Variants in PRPH observed in about 807,000 individuals in gnomAD.
PRPH encodes peripherin.
PRPH carries 48 observed loss-of-function variants against 52.6 expected under a neutral mutation model. The ratio of observed to expected loss-of-function variants is 0.91; its 90% CI spans 0.72 to 1.16. The LOEUF is 1.16. Ranked by LOEUF, PRPH falls within the 50% of genes most tolerant of loss-of-function variation. The pLI is 0.00. For missense variants in PRPH, 579 were observed against 635.7 expected (o/e 0.91, Z 0.96); for synonymous variants, 279 against 283.8 (o/e 0.98, Z 0.17).
chr12:49,296,142 C>G lies in PRPH; in HGVS notation c.546-36C>G, dbSNP rs776889934. On this transcript the variant is annotated intron_variant, in intron 1 of 8. Coordinates refer to ENST00000257860, the MANE Select transcript of PRPH (RefSeq NM_006262.4). The surrounding 1 kb of genome is among the most constrained non-coding windows in gnomAD (Gnocchi z 5.1). ...GTCTGGGGTGCGAGCTGGGCGGCGACCCCGCAGTTCAGCCTCTGCACGCTC... is the reference window on the plus strand; with the variant it reads ...GTCTGGGGTGCGAGCTGGGCGGCGAGCCCGCAGTTCAGCCTCTGCACGCTC... 1 of 1,604,468 alleles carries G rather than the reference C, an allele frequency of 6.2e-7. No homozygotes were observed. Among genetic ancestry groups the G allele is most frequent in the South Asian group, 1.1e-5 (1 of 89,894 alleles).
In PRPH at chr12:49,297,310, G is replaced by A. The variant is rs200519578; in HGVS notation, c.996+37G>A. 1.9e-6 allele frequency: 3 copies of A among 1,613,698 alleles called. No individual in the cohort carries two copies. The highest frequency in any genetic ancestry group is 2.7e-5 in the African/African-American group (2 of 74,908). ...GCTGCGCGCTCGGGCCCGGGGAGCG[G>A]ACGATGAAATGTTCTGCAACTGGCC... is the stretch of plus-strand genomic sequence containing the variant. On this transcript the variant is annotated intron_variant, in intron 5 of 8. Transcript: ENST00000257860. This position sits in a 1 kb window ranked among gnomAD's most constrained non-coding sequence, Gnocchi z 4.4.
chr12:49,295,731 G>A lies in PRPH; in HGVS notation c.531G>A (p.Ala177=). The A allele has an allele frequency of 6.6e-7, 1 of 1,514,560 alleles. No individual in the cohort carries two copies. The highest frequency in any genetic ancestry group is 8.8e-7 in the Non-Finnish European group (1 of 1,137,860). The allele number at this position is 1,514,560 out of a possible 1,614,324, so 93.8% of individuals were successfully genotyped here. A position where few individuals can be genotyped will look rare whatever the true frequency, so the allele number is the denominator to read the frequency against. ...VERDGLAEDL[A]ALKQRLEEET... is the part of the protein sequence containing the mutation. ...GCGACGGGCTGGCGGAGGACCTGGC[G>A]GCGCTCAAGCAGAGGTCAGGGGGCA... The change falls in exon 1 of 9, where the codon GCG becomes GCA. Residue 177 remains alanine (A), a synonymous_variant. Coordinates refer to ENST00000257860, the MANE Select transcript of PRPH (RefSeq NM_006262.4).
In PRPH at chr12:49,296,107, G is replaced by C; in HGVS notation, c.546-71G>C. On this transcript the variant is annotated intron_variant, in intron 1 of 8. Transcript: ENST00000257860. The surrounding 1 kb of genome is among the most constrained non-coding windows in gnomAD (Gnocchi z 5.1). The stretch of plus-strand genomic sequence containing the variant: ...AGAACAGCCTCTAACCGGATCCTGG[G>C]GGGCGTGCGGTCTGGGGTGCGAGCT... 1 of 1,508,920 alleles carries C rather than the reference G, an allele frequency of 6.6e-7. No homozygotes were observed. Among genetic ancestry groups the C allele is most frequent in the South Asian group, 1.2e-5 (1 of 85,202 alleles). The allele number at this position is 1,508,920 out of a possible 1,614,324, so 93.5% of individuals were successfully genotyped here.
In PRPH at chr12:49,297,866, G is replaced by T; in HGVS notation, c.1268-92G>T. On this transcript the variant is annotated intron_variant, in intron 7 of 8. Coordinates refer to ENST00000257860, the MANE Select transcript of PRPH (RefSeq NM_006262.4). The surrounding 1 kb of genome is among the most constrained non-coding windows in gnomAD (Gnocchi z 4.4). ...GTACCCACCCCTACTCCTCAAACCC[G>T]CCCCTCCCCTGCCCTCAGGGATAGC... The T allele has an allele frequency of 6.6e-7, 1 of 1,510,332 alleles. No individual in the cohort carries two copies. Among genetic ancestry groups the T allele is most frequent in the Non-Finnish European group, 9.2e-7 (1 of 1,088,882 alleles). 93.6% of individuals were successfully genotyped at this position (1,510,332 alleles called of 1,614,324 possible). A position where few individuals can be genotyped will look rare whatever the true frequency, so the allele number is the denominator to read the frequency against.
In PRPH at chr12:49,297,673, C is replaced by T. The variant is rs768362682; in HGVS notation, c.1218-4C>T. On this transcript the variant is annotated splice_polypyrimidine_tract_variant and splice_region_variant and intron_variant, in intron 6 of 8. Coordinates refer to ENST00000257860, the MANE Select transcript of PRPH (RefSeq NM_006262.4). The surrounding 1 kb of genome is among the most constrained non-coding windows in gnomAD (Gnocchi z 4.4). ...GGGGCGCTGACAACTTGCTTCGCCT[C>T]TAGGATCTCCGTGCCCGTCCATTCT... The T allele has an allele frequency of 1.5e-5, 25 of 1,613,500 alleles. No homozygotes were observed. The highest frequency in any genetic ancestry group is 2.2e-5 in the East Asian group (1 of 44,878).
In PRPH at chr12:49,296,466, T is replaced by C. The variant is rs760342609; in HGVS notation, c.641T>C (p.Leu214Pro). The change falls in exon 3 of 9, where the codon CTA becomes CCA. Residue 214 changes from leucine to proline, a missense_variant. Coordinates refer to ENST00000257860, the MANE Select transcript of PRPH (RefSeq NM_006262.4). The surrounding 1 kb of genome is among the most constrained non-coding windows in gnomAD (Gnocchi z 5.1). ...VDDATLSRLELERKIESLMDE... is the reference protein window; with the variant it reads ...VDDATLSRLEPERKIESLMDE... ...GATGCCACTCTGTCCCGCCTGGAAC[T>C]AGAGCGCAAGATTGAGTCTCTGATG... The C allele has an allele frequency of 1.2e-6, 2 of 1,614,186 alleles. No homozygotes were observed. The highest frequency in any genetic ancestry group is 2.2e-5 in the South Asian group (2 of 91,084).
At position 49,298,686 on chromosome 12, in the gene PRPH, A is replaced by C; in HGVS notation, c.*333A>C. Reference sequence around the variant, plus strand: ...CCAAATAAAATGCTGTCAAGAGAAAACTCTCCAGTGCATTTGTTTCTGTGG... The same window carrying C: ...CCAAATAAAATGCTGTCAAGAGAAACCTCTCCAGTGCATTTGTTTCTGTGG... On this transcript the variant is annotated 3_prime_UTR_variant, in exon 9 of 9. Coordinates refer to ENST00000257860, the MANE Select transcript of PRPH (RefSeq NM_006262.4). The C allele has an allele frequency of 8.4e-6, 3 of 357,954 alleles. No homozygotes were observed. Among genetic ancestry groups the C allele is most frequent in the East Asian group, 5.9e-5 (1 of 17,036 alleles). The allele number at this position is 357,954 out of a possible 1,614,324, so 22.2% of individuals were successfully genotyped here.
chr12:49,297,764 C>T lies in PRPH; in HGVS notation c.1267+38C>T. 2 of 1,611,908 alleles carry T rather than the reference C, an allele frequency of 1.2e-6. No homozygotes were observed. Among genetic ancestry groups the T allele is most frequent in the East Asian group, 4.5e-5 (2 of 44,876 alleles). On this transcript the variant is annotated intron_variant, in intron 7 of 8. Transcript: ENST00000257860. The surrounding 1 kb of genome is among the most constrained non-coding windows in gnomAD (Gnocchi z 4.4). Reference sequence around the variant, plus strand: ...TACAGCCTGTACCTCTCCTTGTCCACTTCTGCCCTCCTCGGGCTCTTGCTC... The same window carrying T: ...TACAGCCTGTACCTCTCCTTGTCCATTTCTGCCCTCCTCGGGCTCTTGCTC...
At position 49,295,287 on chromosome 12, in the gene PRPH, C is replaced by A. The variant is rs753959872; in HGVS notation, c.87C>A (p.Pro29=). ...TCGGTCCACCGCCCTCACTATCCCC[C>A]GGGGCCTTCTCCTACTCGTCCAGCT... is the stretch of plus-strand genomic sequence containing the variant. ...RTFGPPPSLS[P]GAFSYSSSSR... is the part of the protein sequence containing the mutation. Residue 29 remains proline, a synonymous_variant, in exon 1 of 9, where the codon CCC becomes CCA. Transcript: ENST00000257860. 2 of 1,611,796 alleles carry A rather than the reference C, an allele frequency of 1.2e-6. No individual in the cohort carries two copies. Among genetic ancestry groups the A allele is most frequent in the Admixed American group, 3.3e-5 (2 of 59,974 alleles).
rs762687858 is a variant in PRPH, at chr12:49,296,172, C to T, written c.546-6C>T. ...CAGTTCAGCCTCTGCACGCTCTTCCCGTCAGGTTGGAGGAGGAGACGCGCA... is the reference window on the plus strand; with the variant it reads ...CAGTTCAGCCTCTGCACGCTCTTCCTGTCAGGTTGGAGGAGGAGACGCGCA... On this transcript the variant is annotated splice_polypyrimidine_tract_variant and splice_region_variant and intron_variant, in intron 1 of 8. Transcript: ENST00000257860. The surrounding 1 kb of genome is among the most constrained non-coding windows in gnomAD (Gnocchi z 5.1). The T allele has an allele frequency of 1.3e-4, 206 of 1,611,740 alleles. No individual in the cohort carries two copies. In the Middle Eastern group the frequency reaches 1.7e-3, roughly 13 times the overall value.
chr12:49,296,999 G>T lies in PRPH; in HGVS notation c.813G>T (p.Gln271His), dbSNP rs1435392946. Residue 271 changes from glutamine to histidine, a missense_variant, in exon 4 of 9, where the codon CAG becomes CAT. Physicochemically the swap from Gln to His is conservative, Grantham distance 24. Coordinates refer to ENST00000257860, the MANE Select transcript of PRPH (RefSeq NM_006262.4). This position sits in a 1 kb window ranked among gnomAD's most constrained non-coding sequence, Gnocchi z 5.1. Reference sequence around the variant, plus strand: ...CAGCGCTGAGGGACATCCGCGCGCAGTACGAGAGCATCGCCGCGAAGAACC... The same window carrying T: ...CAGCGCTGAGGGACATCCGCGCGCATTACGAGAGCATCGCCGCGAAGAACC... ...LTAALRDIRA[Q>H]YESIAAKNLQ... The T allele has an allele frequency of 6.2e-7, 1 of 1,613,890 alleles. No homozygotes were observed. Among genetic ancestry groups the T allele is most frequent in the East Asian group, 2.2e-5 (1 of 44,860 alleles).
At position 49,298,621 on chromosome 12, in the gene PRPH, T is replaced by G; in HGVS notation, c.*268T>G. The G allele has an allele frequency of 2.0e-6, 1 of 511,292 alleles. No individual in the cohort carries two copies. The allele number at this position is 511,292 out of a possible 1,614,324, so 31.7% of individuals were successfully genotyped here. ...CAGGACAAATCTACTCCAGCCACGA[T>G]GAGAAGTGGGTGAGCCAGGGTCTGA... On this transcript the variant is annotated 3_prime_UTR_variant, in exon 9 of 9. Transcript: ENST00000257860.
Position 49,296,325 on chromosome 12 carries a change from G to T in PRPH, c.606+87G>T. On this transcript the variant is annotated intron_variant, in intron 2 of 8. Coordinates refer to ENST00000257860, the MANE Select transcript of PRPH (RefSeq NM_006262.4). The surrounding 1 kb of genome is among the most constrained non-coding windows in gnomAD (Gnocchi z 5.1). ...GAGGTGGCATCGGTGGGCGCGGGGA[G>T]AAGGGGGTAACCCAGATGCCTCCTG... 6.4e-7 allele frequency: 1 copy of T among 1,572,806 alleles called. No homozygotes were observed. Among genetic ancestry groups the T allele is most frequent in the Non-Finnish European group, 8.7e-7 (1 of 1,147,652 alleles).
chr12:49,298,586 G>A lies in PRPH; in HGVS notation c.*233G>A. On this transcript the variant is annotated 3_prime_UTR_variant, in exon 9 of 9. Coordinates refer to ENST00000257860, the MANE Select transcript of PRPH (RefSeq NM_006262.4). ...TTTCATGTCCCGATAAGAAGCCAAT[G>A]ATCCCCCCTCAGGACAAATCTACTC... 1 of 561,600 alleles carries A rather than the reference G, an allele frequency of 1.8e-6. No homozygotes were observed. The highest frequency in any genetic ancestry group is 3.2e-6 in the Non-Finnish European group (1 of 311,486). The allele number at this position is 561,600 out of a possible 1,614,324, so 34.8% of individuals were successfully genotyped here.
At position 49,297,458 on chromosome 12, in the gene PRPH, A is replaced by G; in HGVS notation, c.1098A>G (p.Arg366=). 1 of 1,612,084 alleles carries G rather than the reference A, an allele frequency of 6.2e-7. No homozygotes were observed. Among genetic ancestry groups the G allele is most frequent in the Non-Finnish European group, 8.5e-7 (1 of 1,179,814 alleles). The change falls in exon 6 of 9, where the codon CGA becomes CGG. Residue 366 remains arginine, a synonymous_variant. Transcript: ENST00000257860. The surrounding 1 kb of genome is among the most constrained non-coding windows in gnomAD (Gnocchi z 4.4). ...AGAARLEEEL[R]QLKEEMARHL... Reference sequence around the variant, plus strand: ...CTGCGCGGCTCGAGGAGGAGCTGCGACAGCTAAAAGAGGAGATGGCGCGGC... The same window carrying G: ...CTGCGCGGCTCGAGGAGGAGCTGCGGCAGCTAAAAGAGGAGATGGCGCGGC...
chr12:49,295,855 T>C, intron 1 of PRPH, 110 bp downstream of exon 1: 1 of 1,437,674 alleles, frequency 7.0e-7, no homozygotes, highest in Non-Finnish European at 9.1e-7. Flanking sequence ...CCCAAGGGTG[T>C]GGCTCCCCTT....
In PRPH at chr12:49,298,325, T is replaced by C; in HGVS notation, c.1385T>C (p.Leu462Pro). The C allele has an allele frequency of 2.5e-6, 4 of 1,614,202 alleles. No homozygotes were observed. The highest frequency in any genetic ancestry group is 3.4e-6 in the Non-Finnish European group (4 of 1,180,028). ...TESQKEQRSE[L>P]DKSSAHSY ...TCCCAGAAGGAGCAGCGCAGTGAGC[T>C]GGACAAGTCTTCTGCCCACAGTTAC... is the stretch of plus-strand genomic sequence containing the variant. Residue 462 changes from leucine (L) to proline (P), a missense_variant, in exon 9 of 9, where the codon CTG becomes CCG. Coordinates refer to ENST00000257860, the MANE Select transcript of PRPH (RefSeq NM_006262.4).
rs564510592 is a variant in PRPH, at chr12:49,296,211, G to C, written c.579G>C (p.Ala193=). The change falls in exon 2 of 9, where the codon GCG becomes GCC. Residue 193 remains alanine, a synonymous_variant. Transcript: ENST00000257860. This position sits in a 1 kb window ranked among gnomAD's most constrained non-coding sequence, Gnocchi z 5.1. ...LEEETRKRED[A]EHNLVLFRKD... ...AGGAGACGCGCAAGCGGGAGGACGC[G>C]GAGCACAACCTCGTGCTCTTCCGCA... The C allele has an allele frequency of 2.5e-6, 4 of 1,613,166 alleles. No homozygotes were observed. In the South Asian group the frequency reaches 4.4e-5, roughly 18 times the overall value.
Position 49,296,669 on chromosome 12 carries a change from TAGAC to T in PRPH, c.702+143_702+146del. On this transcript the variant is annotated intron_variant, in intron 3 of 8. Coordinates refer to ENST00000257860, the MANE Select transcript of PRPH (RefSeq NM_006262.4). The surrounding 1 kb of genome is among the most constrained non-coding windows in gnomAD (Gnocchi z 5.1). ...CCCTCCACCCTAGTCTACAGGTGGT[TAGAC>T]TCCCACCCTTGCGCCACCTGGCGGC... The T allele has an allele frequency of 9.1e-7, 1 of 1,099,606 alleles. No homozygotes were observed. The allele number at this position is 1,099,606 out of a possible 1,614,324, so 68.1% of individuals were successfully genotyped here.
Sources: allele counts gnomAD v4.1 joint callset, GRCh38; gene constraint gnomAD v4.1.1; non-coding constraint Gnocchi (gnomAD v3.1); transcripts MANE v1.5; gene names NCBI Gene and HGNC (gene_info 2026-07-23, HGNC 2026-07-21).